The following SHANK1 variants were observed in gnomAD, a reference collection of about 807,000 sequenced individuals.
The protein encoded by SHANK1 is SH3 and multiple ankyrin repeat domains 1.
SHANK1 carries 35 observed loss-of-function variants against 165.6 expected under a neutral mutation model. The ratio of observed to expected loss-of-function variants is 0.21; its 90% confidence interval spans 0.16 to 0.28. The LOEUF is 0.28. SHANK1 is among the 10% of genes least tolerant of loss of function. The pLI is 1.00. For missense variants in SHANK1, 2,681 were observed against 3,036.4 expected, an observed-to-expected ratio of 0.88 and a Z score of 2.75; for synonymous variants, 1,428 against 1,384.8, an observed-to-expected ratio of 1.03 and a Z score of -0.69.
Position 50,659,440 on chromosome 19 carries a change from A to C in SHANK1, c.*2525T>G. The C allele has an allele frequency of 4.1e-6, 1 of 243,014 alleles. No individual in the cohort carries two copies. Among genetic ancestry groups the C allele is most frequent in the Non-Finnish European group, 7.8e-6 (1 of 127,678 alleles). The allele number at this position is 243,014 out of a possible 1,614,324, so 15.1% of individuals were successfully genotyped here. On this transcript the variant is annotated 3_prime_UTR_variant, in exon 24 of 24. Coordinates refer to ENST00000293441, the MANE Select transcript of SHANK1 (RefSeq NM_016148.5). ...CCTGTACGTGGACGCCTGGGTCCCA[A>C]TCCCTTGAGGGATGAACTGAAGCCC...
At chr19:50,708,931 A>G (rs2123190914) in intron 8 of SHANK1, among the ~76,000 whole-genome samples, 1 of 152,284 alleles carries the variant, frequency 6.6e-6, no homozygotes, top group African/African-American at 2.4e-5. Context: ...ACCAAATGCT[A>G]GACGGGCATA....
chr19:50,672,440 C>T (rs1302853099), intron 21 of SHANK1, among the ~76,000 whole-genome samples: 6 of 149,072 alleles, frequency 4.0e-5, no homozygotes, highest in Admixed American at 2.0e-4. Flanking sequence ...CCCAGCTACT[C>T]GGGAGGCTGA....
Position 50,703,505 on chromosome 19 carries a change from C to T in SHANK1, c.1548G>A (p.Arg516=), listed in dbSNP as rs2088895653. 1.9e-6 allele frequency: 3 copies of T among 1,538,868 alleles called. No individual in the cohort carries two copies. The highest frequency in any genetic ancestry group is 2.6e-6 in the Non-Finnish European group (3 of 1,148,246). Residue 516 remains arginine (R), a synonymous_variant, in exon 11 of 24, where the codon CGG becomes CGA. Transcript: ENST00000293441. ...PEDAKRQPRG[R]PSSSGTPREG... is the part of the protein sequence containing the mutation. ...GCCAGGGCTGCCTCCCCTACCTGGG[C>T]CGGCCTCGGGGCTGCCTCTTGGCGT...
chr19:50,665,714 G>A (rs1423865276), intron 23 of SHANK1, among the ~76,000 whole-genome samples: 1 of 119,680 alleles, frequency 8.4e-6, no homozygotes, highest in Non-Finnish European at 1.7e-5. Context: ...CTCCAGCCGG[G>A]TGACAGAGTG....
Position 50,702,805 on chromosome 19 carries a change from G to A in SHANK1, c.1554-145C>T. On this transcript the variant is annotated intron_variant, in intron 11 of 23. Coordinates refer to ENST00000293441, the MANE Select transcript of SHANK1 (RefSeq NM_016148.5). This position sits in a 1 kb window ranked among gnomAD's most constrained non-coding sequence, Gnocchi z 5.3. Reference sequence around the variant, plus strand: ...GCACTGGCGTCCTCCAAGGAAGAGGGCATTTGGGGGCTCCCTCTGCCTGCC... The same window carrying A: ...GCACTGGCGTCCTCCAAGGAAGAGGACATTTGGGGGCTCCCTCTGCCTGCC... 1 of 615,070 alleles carries A rather than the reference G, an allele frequency of 1.6e-6. No individual in the cohort carries two copies. Among genetic ancestry groups the A allele is most frequent in the Non-Finnish European group, 2.8e-6 (1 of 352,676 alleles). The allele number at this position is 615,070 out of a possible 1,614,324, so 38.1% of individuals were successfully genotyped here. A position where few individuals can be genotyped will look rare whatever the true frequency, so the allele number is the denominator to read the frequency against.
At chr19:50,704,264 C>T in intron 9 of SHANK1, 78 bp from the exon 10 acceptor site, 1 of 1,478,776 alleles carries the variant, frequency 6.8e-7, no homozygotes, top group East Asian at 2.3e-5. Flanking sequence ...GGCGAGGTCC[C>T]TGGCCCGACC....
intron 23 of SHANK1, among the ~76,000 whole-genome samples, chr19:50,663,424 C>G (rs1475714328): frequency 5.3e-5 from 8 of 152,186 alleles, no homozygotes. Flanking sequence ...CTGCCTGGCT[C>G]ACTCTTGCCC....
chr19:50,667,058 C>T lies in SHANK1; in HGVS notation c.4902G>A (p.Leu1634=), dbSNP rs200157365. 2,136 of 1,551,128 alleles carry T rather than the reference C, an allele frequency of 1.4e-3. 6 individuals are homozygous for T. The highest frequency in any genetic ancestry group is 1.7e-3 in the Non-Finnish European group (1,904 of 1,152,698). The change falls in exon 23 of 24, where the codon CTG becomes CTA. Residue 1634 remains leucine (L), a synonymous_variant. Coordinates refer to ENST00000293441, the MANE Select transcript of SHANK1 (RefSeq NM_016148.5). The surrounding 1 kb of genome is among the most constrained non-coding windows in gnomAD (Gnocchi z 5.7). ...LTSYDSEVAT[L]TQGASAAPGD... ...CAGGAGCGGCGGAGGCCCCCTGGGT[C>T]AGGGTGGCCACCTCGCTGTCATAGG...
At chr19:50,680,036 A>T (rs975094015) in intron 21 of SHANK1, among the ~76,000 whole-genome samples, 6 of 151,860 alleles carry the variant, frequency 4.0e-5, no homozygotes, top group Admixed American at 6.6e-5. Flanking sequence ...AGAGATAGAG[A>T]GACAAGGAGA....
rs1327769218 is a variant in SHANK1, at chr19:50,662,608, G to A, written c.5843C>T (p.Pro1948Leu). The A allele has an allele frequency of 1.9e-6, 3 of 1,564,964 alleles. No homozygotes were observed. The highest frequency in any genetic ancestry group is 2.6e-6 in the Non-Finnish European group (3 of 1,154,580). The stretch of plus-strand genomic sequence containing the variant: ...TGTTCCGGTGGGGAGTGGCGGCAGA[G>A]GTGGTTTGGGCCAGTTCTGAAACAG... ...SSLFQNWPKPPLPPLPTGTGV... is the reference protein window; with the variant it reads ...SSLFQNWPKPLLPPLPTGTGV... Residue 1948 changes from proline to leucine, a missense_variant, in exon 24 of 24, where the codon CCT becomes CTT. Physicochemically the swap from Pro to Leu is moderately conservative, Grantham distance 98. Around this residue, in one of 10 missense-constraint regions of SHANK1, gnomAD observed 1,713 missense variants for 1,630.2 expected, o/e 1.05. Coordinates refer to ENST00000293441, the MANE Select transcript of SHANK1 (RefSeq NM_016148.5). The surrounding 1 kb of genome is among the most constrained non-coding windows in gnomAD (Gnocchi z 7.7).
In SHANK1 at chr19:50,713,572, C is replaced by T. The variant is rs565774479; in HGVS notation, c.792+226G>A. Among the ~76,000 whole-genome samples the T allele has an allele frequency of 2.1e-4, 32 of 152,012 alleles. No homozygotes were observed. The South Asian group carries it at 4.6e-3, about 22-fold the overall frequency. On this transcript the variant is annotated intron_variant, in intron 6 of 23. Transcript: ENST00000293441. This position sits in a 1 kb window ranked among gnomAD's most constrained non-coding sequence, Gnocchi z 6.2. ...GTTCTGGGTGTTTAGGGGAGGAGGC[C>T]GTGCCCGGGTCTGTGTGATGTCAGC...
Position 50,716,733 on chromosome 19 carries a change from A to T in SHANK1, c.187T>A (p.Ser63Thr). The T allele has an allele frequency of 6.2e-7, 1 of 1,607,768 alleles. No individual in the cohort carries two copies. The highest frequency in any genetic ancestry group is 8.5e-7 in the Non-Finnish European group (1 of 1,177,066). ...SVRGLQGRSM[S>T]VPDDAHFSMM... ...CTGAAGTGGGCGTCGTCTGGGACGGACATTGAGCGGCCCTGGAGGCCTCTA... is the reference window on the plus strand; with the variant it reads ...CTGAAGTGGGCGTCGTCTGGGACGGTCATTGAGCGGCCCTGGAGGCCTCTA... The change falls in exon 2 of 24, where the codon TCC becomes ACC. Residue 63 changes from serine to threonine, a missense_variant. Ser to Thr is a moderately conservative substitution (Grantham distance 58, BLOSUM62 1). Around this residue, in one of 10 missense-constraint regions of SHANK1, gnomAD observed 118 missense variants for 106.9 expected, o/e 1.10. Coordinates refer to ENST00000293441, the MANE Select transcript of SHANK1 (RefSeq NM_016148.5). The surrounding 1 kb of genome is among the most constrained non-coding windows in gnomAD (Gnocchi z 8.4).
intron 15 of SHANK1, 193 bp from the exon 16 acceptor site, chr19:50,689,472 G>C: frequency 1.4e-6 from 1 of 695,746 alleles, no homozygotes; most frequent in Non-Finnish European, 2.6e-6. Context: ...CCTCAGAGCC[G>C]GCATGCTCTC....
Position 50,661,758 on chromosome 19 carries a change from C to A in SHANK1, c.*207G>T. 1 of 574,678 alleles carries A rather than the reference C, an allele frequency of 1.7e-6. No homozygotes were observed. The highest frequency in any genetic ancestry group is 3.1e-6 in the Non-Finnish European group (1 of 324,356). 35.6% of individuals were successfully genotyped at this position (574,678 alleles called of 1,614,324 possible). A position where few individuals can be genotyped will look rare whatever the true frequency, so the allele number is the denominator to read the frequency against. The stretch of plus-strand genomic sequence containing the variant: ...CCCGCTTCACACACACACACACACT[C>A]TTGTGTCAGCTGCCCCCCTTCAGTG... On this transcript the variant is annotated 3_prime_UTR_variant, in exon 24 of 24. Transcript: ENST00000293441.
rs192346558 is a variant in SHANK1, at chr19:50,661,322, C to T, written c.*643G>A. 9.2e-5 allele frequency among the ~76,000 whole-genome samples: 14 copies of T among 152,014 alleles called. No individual in the cohort carries two copies. Among genetic ancestry groups the T allele is most frequent in the African/African-American group, 1.7e-4 (7 of 41,452 alleles). On this transcript the variant is annotated 3_prime_UTR_variant, in exon 24 of 24. Transcript: ENST00000293441. ...CGTGAGAAAGGAAATGCAGCGTGTG[C>T]GAGGAGAGCAGAGTGTATTTGAGCG...
rs1447920686 is a variant in SHANK1 at position 50,661,542 on chromosome 19, G to T, written c.*423C>A. On this transcript the variant is annotated 3_prime_UTR_variant, in exon 24 of 24. Transcript: ENST00000293441. Reference sequence around the variant, plus strand: ...GAGCTGAGGGGCCTGGAGAGAGTGGGAAGGGTTGTTAGAGGGGTGGCAGGT... The same window carrying T: ...GAGCTGAGGGGCCTGGAGAGAGTGGTAAGGGTTGTTAGAGGGGTGGCAGGT... 6.6e-6 allele frequency among the ~76,000 whole-genome samples: 1 copy of T among 151,746 alleles called. No individual in the cohort carries two copies. The highest frequency in any genetic ancestry group is 2.0e-4 in the East Asian group (1 of 5,126).
In SHANK1 at chr19:50,716,444, C is replaced by T. The variant is rs2089070501; in HGVS notation, c.290G>A (p.Trp97Ter). Residue 97 changes from tryptophan to a stop codon, truncating the protein, a stop_gained, in exon 3 of 24, where the codon TGG (tryptophan) becomes TAG (stop). Coordinates refer to ENST00000293441, the MANE Select transcript of SHANK1 (RefSeq NM_016148.5). LOFTEE classifies it high-confidence loss of function. The surrounding 1 kb of genome is among the most constrained non-coding windows in gnomAD (Gnocchi z 8.4). ...ACAGAGCACCTGCTGCTTGGCCGTC[C>T]AGATGGTGGCATCGGGGTTGAAGCG... ...CLRFNPDATI[W>*]TAKQQVLCAL... 6.2e-7 allele frequency: 1 copy of T among 1,614,060 alleles called. No homozygotes were observed. The highest frequency in any genetic ancestry group is 1.3e-5 in the African/African-American group (1 of 74,934).
chr19:50,704,260 G>A, intron 9 of SHANK1, 74 bp from the exon 10 acceptor site: 1 of 1,498,846 alleles, frequency 6.7e-7, no homozygotes, highest in African/African-American at 1.4e-5. Context: ...ACGTGGCGAG[G>A]TCCCTGGCCC....
rs1367571117 is a variant in SHANK1 at position 50,668,451 on chromosome 19, C to T, written c.3509G>A (p.Arg1170His). 1 of 1,333,890 alleles carries T rather than the reference C, an allele frequency of 7.5e-7. No homozygotes were observed. 82.6% of individuals were successfully genotyped at this position (1,333,890 alleles called of 1,614,324 possible). A position where few individuals can be genotyped will look rare whatever the true frequency, so the allele number is the denominator to read the frequency against. ...CTCGGTGCTGCTGCCCTGGCTGCTGCGGCCGCTGCTACTGGTGGACGGGGC... is the reference window on the plus strand; with the variant it reads ...CTCGGTGCTGCTGCCCTGGCTGCTGTGGCCGCTGCTACTGGTGGACGGGGC... ...IKAPSTSSSG[R>H]SSQGSSTEAE... Residue 1170 changes from arginine (R) to histidine (H), a missense_variant, in exon 23 of 24, where the codon CGC becomes CAC. Arg to His is a conservative substitution (Grantham distance 29). Around this residue, in one of 10 missense-constraint regions of SHANK1, gnomAD observed 1,713 missense variants for 1,630.2 expected, o/e 1.05. Transcript: ENST00000293441.
Sources: gnomAD v4.1 joint callset for allele counts (sites outside exome capture counted in the v4.1 genomes callset) on GRCh38, gnomAD v4.1.1 for gene constraint, gnomAD v4.1.1 regional missense constraint, Gnocchi (gnomAD v3.1) non-coding constraint, MANE v1.5 for transcripts, NCBI Gene and HGNC (gene_info 2026-07-23, HGNC 2026-07-21) for gene names.